Variants in CNBD1 observed in about 807,000 individuals in gnomAD.
CNBD1 encodes cyclic nucleotide binding domain containing 1.
In CNBD1, 71 loss-of-function variants were observed where a neutral mutation model predicts 54.4. The ratio of observed to expected loss-of-function variants is 1.30; its 90% CI spans 1.08 to 1.59. The LOEUF (loss-of-function observed/expected upper bound fraction) is 1.59. Among genes scored for constraint, CNBD1 ranks in the 40% most tolerant of loss-of-function variants. The pLI, the probability that CNBD1 is intolerant of heterozygous loss-of-function variation, is 0.00. For missense variants in CNBD1, 659 were observed against 518.0 expected (o/e 1.27, Z -2.64); for synonymous variants, 182 against 170.7 (o/e 1.07, Z -0.51).
intron 10 of CNBD1, among the ~76,000 whole-genome samples, chr8:87,377,304 C>T (rs1171657844): frequency 2.1e-5 from 3 of 143,772 alleles, no homozygotes; most frequent in African/African-American, 7.7e-5. Flanking sequence ...CCTCCCCCCT[C>T]CCCACACCCC....
At chr8:87,426,904 G>A (rs943228528) in intron 2 of CNBD1, among the ~76,000 whole-genome samples, 1 of 152,160 alleles carries the variant, frequency 6.6e-6, no homozygotes, top group Non-Finnish European at 1.5e-5. Context: ...AAATTTATAG[G>A]TGTGGATAAA....
intron 4 of CNBD1, among the ~76,000 whole-genome samples, chr8:87,188,567 T>C (rs1813530288): frequency 6.6e-6 from 1 of 151,648 alleles, no homozygotes; most frequent in African/African-American, 2.4e-5. Flanking sequence ...CCATCTCTAC[T>C]AAAAATACAA....
chr8:87,390,891 C>G (rs989943830), intron 2 of CNBD1, among the ~76,000 whole-genome samples: 1 of 152,114 alleles, frequency 6.6e-6, no homozygotes, highest in Non-Finnish European at 1.5e-5. Context: ...CACATATACA[C>G]TATGTAATAC....
rs115798281 is a variant in CNBD1 at position 86,983,261 on chromosome 8, G to A, written c.431+43507G>A. On this transcript the variant is annotated intron_variant, in intron 4 of 10. Transcript: ENST00000518476. ...CACAATCTCTCTTCTCTTGTCTGCTGCCATGTCAGACATGCCTTTCACCTT... is the reference window on the plus strand; with the variant it reads ...CACAATCTCTCTTCTCTTGTCTGCTACCATGTCAGACATGCCTTTCACCTT... 9.8e-3 allele frequency among the ~76,000 whole-genome samples: 1,493 copies of A among 152,272 alleles called. 19 individuals are homozygous for A. The highest frequency in any genetic ancestry group is 0.027 in the African/African-American group (1,102 of 41,554).
chr8:87,379,521 A>G (rs895541357), intron 10 of CNBD1, among the ~76,000 whole-genome samples: 4 of 152,066 alleles, frequency 2.6e-5, no homozygotes, highest in Non-Finnish European at 4.4e-5. Context: ...CAGAATTTAT[A>G]ACAAACTATC....
chr8:87,073,578 C>T (rs967257212), intron 4 of CNBD1, among the ~76,000 whole-genome samples: 3 of 152,112 alleles, frequency 2.0e-5, no homozygotes, highest in Admixed American at 6.5e-5. Context: ...CTGCTGTTTG[C>T]TGCTGTTTCC....
intron 8 of CNBD1, among the ~76,000 whole-genome samples, chr8:87,318,738 T>C (rs1228592883): frequency 6.6e-6 from 1 of 152,016 alleles, no homozygotes; most frequent in Non-Finnish European, 1.5e-5. Context: ...TTGCAATAAA[T>C]ATAGAAATTG....
intron 4 of CNBD1, among the ~76,000 whole-genome samples, chr8:87,199,745 T>G (rs1189482850): frequency 6.6e-6 from 1 of 152,204 alleles, no homozygotes; most frequent in African/African-American, 2.4e-5. Context: ...ACACACCAAA[T>G]TGTCAACAAT....
chr8:86,977,773 G>T (rs186647553), intron 4 of CNBD1, among the ~76,000 whole-genome samples: 151 of 152,156 alleles, frequency 9.9e-4, no homozygotes, highest in African/African-American at 3.3e-3. Flanking sequence ...AAAAACTTAG[G>T]ACCAGGTGGC....
At chr8:87,333,632 T>A (rs761323909) in intron 8 of CNBD1, among the ~76,000 whole-genome samples, 1 of 152,216 alleles carries the variant, frequency 6.6e-6, no homozygotes, top group Non-Finnish European at 1.5e-5. Context: ...ATTGAGATAA[T>A]CATGTGGTTT....
At chr8:87,215,602 A>G (rs1175696328) in intron 5 of CNBD1, among the ~76,000 whole-genome samples, 1 of 152,012 alleles carries the variant, frequency 6.6e-6, no homozygotes, top group Non-Finnish European at 1.5e-5. Context: ...AAAAAAAAAA[A>G]AAGAGTTTCT....
chr8:87,219,125 A>G (rs1055984978), intron 5 of CNBD1, among the ~76,000 whole-genome samples: 1 of 152,088 alleles, frequency 6.6e-6, no homozygotes, highest in Non-Finnish European at 1.5e-5. Context: ...TCTGACTTCA[A>G]ATTGATACAT....
intron 10 of CNBD1, among the ~76,000 whole-genome samples, chr8:87,371,491 G>A (rs561040734): frequency 2.7e-4 from 41 of 151,974 alleles, no homozygotes; most frequent in Non-Finnish European, 5.9e-4. Context: ...ATTTTATGAG[G>A]CCAGCATCAT....
intron 4 of CNBD1, among the ~76,000 whole-genome samples, chr8:86,995,422 G>A (rs1169560483): frequency 6.6e-6 from 1 of 152,216 alleles, no homozygotes; most frequent in Non-Finnish European, 1.5e-5. Flanking sequence ...TACAAAAACA[G>A]TGAGTGGCTG....
intron 2 of CNBD1, among the ~76,000 whole-genome samples, chr8:87,393,029 G>A (rs533038482): frequency 1.3e-5 from 2 of 151,944 alleles, no homozygotes; most frequent in Admixed American, 6.6e-5. Context: ...TTGATGTTAG[G>A]ACTGTGTGAT....
At chr8:87,353,869 C>A (rs2130930017) in intron 10 of CNBD1, 83 bp downstream of exon 10, 2 of 955,262 alleles carry the variant, frequency 2.1e-6, no homozygotes, top group Non-Finnish European at 3.1e-6. Flanking sequence ...CCTTATTAAT[C>A]AGATGCATAT....
chr8:87,158,726 C>T (rs769449131), intron 4 of CNBD1, among the ~76,000 whole-genome samples: 1 of 152,074 alleles, frequency 6.6e-6, no homozygotes, highest in African/African-American at 2.4e-5. Context: ...TGTTTATGGA[C>T]TTTTTACACT....
At chr8:87,167,109 T>G (rs1366348314) in intron 4 of CNBD1, among the ~76,000 whole-genome samples, 1 of 151,992 alleles carries the variant, frequency 6.6e-6, no homozygotes, top group Non-Finnish European at 1.5e-5. Flanking sequence ...ATCCCACAAC[T>G]TTGATATTGT....
At chr8:86,983,428 C>T (rs979351712) in intron 4 of CNBD1, among the ~76,000 whole-genome samples, 1 of 152,126 alleles carries the variant, frequency 6.6e-6, no homozygotes, top group African/African-American at 2.4e-5. Flanking sequence ...GAAAATATAC[C>T]CAAAAAAGTG....
Sources: allele counts gnomAD v4.1 joint callset (sites outside exome capture counted in the v4.1 genomes callset), GRCh38; gene constraint gnomAD v4.1.1; transcripts MANE v1.5; gene names NCBI Gene and HGNC (gene_info 2026-07-23, HGNC 2026-07-21).